Variants in ZFX observed in about 807,000 individuals in gnomAD.
ZFX encodes the protein zinc finger X-chromosomal protein.
For synonymous variants in ZFX, 196 were observed against 226.8 expected (o/e 0.86, Z 1.22); for missense variants, 362 against 628.3 (o/e 0.58, Z 4.53).
At chrX:24,166,982 C>G (rs1168720150) in intron 3 of ZFX, among the ~76,000 whole-genome samples, 1 of 111,948 alleles carries the variant, frequency 8.9e-6, no homozygotes, top group Non-Finnish European at 1.9e-5. Flanking sequence ...ATAGAACAAG[C>G]CATGAGTACA....
chrX:24,155,152 A>C (rs369023932), intron 3 of ZFX, among the ~76,000 whole-genome samples: 1 of 111,157 alleles, frequency 9.0e-6, no homozygotes, highest in African/African-American at 3.3e-5. Context: ...AAATCTCAAC[A>C]AAAGGGAAAA....
intron 8 of ZFX, among the ~76,000 whole-genome samples, chrX:24,208,625 T>C (rs1937796325): frequency 8.9e-6 from 1 of 112,288 alleles, no homozygotes; most frequent in Non-Finnish European, 1.9e-5. Context: ...GTTTTCATCT[T>C]GATTATGTTT....
intron 4 of ZFX, among the ~76,000 whole-genome samples, chrX:24,178,202 T>G (rs1046189697): frequency 9.0e-6 from 1 of 111,485 alleles, no homozygotes; most frequent in Non-Finnish European, 1.9e-5. Context: ...AGTGCTGGGA[T>G]TACAGGCGTG....
At chrX:24,177,037 A>G (rs962622391) in intron 4 of ZFX, among the ~76,000 whole-genome samples, 18 of 111,180 alleles carry the variant, frequency 1.6e-4, no homozygotes, top group African/African-American at 3.6e-4. Context: ...GGTTCAAGCA[A>G]TTCTCCTGCC....
intron 3 of ZFX, among the ~76,000 whole-genome samples, chrX:24,154,410 T>C (rs1011887683): frequency 8.9e-6 from 1 of 112,022 alleles, no homozygotes; most frequent in African/African-American, 3.2e-5. Context: ...ATAAACAGTA[T>C]CATAACCATA....
intron 1 of ZFX, chrX:24,150,372 G>C (rs1931912639): frequency 9.0e-6 from 1 of 111,302 alleles, no homozygotes; most frequent in Admixed American, 9.3e-5. Flanking sequence ...GGCCCCGGAG[G>C]CCCGGCGCGG....
intron 5 of ZFX, among the ~76,000 whole-genome samples, chrX:24,180,930 T>C (rs1935631958): frequency 8.9e-6 from 1 of 112,174 alleles, no homozygotes; most frequent in Non-Finnish European, 1.9e-5. Context: ...TCTTACAACA[T>C]ACTTCTTGGT....
At chrX:24,193,736 A>G (rs1318005686) in intron 5 of ZFX, among the ~76,000 whole-genome samples, 2 of 112,179 alleles carry the variant, frequency 1.8e-5, no homozygotes, top group African/African-American at 6.5e-5. Flanking sequence ...ATGTTTAAAA[A>G]AGGAGAGGTG....
At chrX:24,165,783 A>G in intron 3 of ZFX, among the ~76,000 whole-genome samples, 1 of 112,450 alleles carries the variant, frequency 8.9e-6, no homozygotes, top group Non-Finnish European at 1.9e-5. Flanking sequence ...CTAAGTCTGC[A>G]ACTAAAGGTA....
intron 5 of ZFX, among the ~76,000 whole-genome samples, chrX:24,188,763 A>C (rs1228602800): frequency 2.7e-5 from 3 of 112,256 alleles, no homozygotes; most frequent in African/African-American, 9.7e-5. Context: ...GAGCGAATTC[A>C]GAAACAAAAA....
chrX:24,158,261 A>G (rs1034619660), intron 3 of ZFX, among the ~76,000 whole-genome samples: 1 of 110,691 alleles, frequency 9.0e-6, no homozygotes, highest in African/African-American at 3.3e-5. Flanking sequence ...TGTAGTAGTA[A>G]TAACAGTTCA....
chrX:24,206,498 G>GGC (rs1937582562), intron 5 of ZFX, among the ~76,000 whole-genome samples: 1 of 86,137 alleles, frequency 1.2e-5, no homozygotes, highest in African/African-American at 4.4e-5. Context: ...CACCATGCCT[G>GGC]GCGTGTGTGT....
intron 7 of ZFX, 47 bp downstream of exon 7, chrX:24,207,902 C>G: frequency 8.5e-7 from 1 of 1,170,517 alleles, no homozygotes; most frequent in Middle Eastern, 2.4e-4. Flanking sequence ...GTTTCTGGAG[C>G]TTTTAAGTGG....
chrX:24,197,674 T>C lies in ZFX; in HGVS notation c.647-9652T>C, dbSNP rs189529927. 3.6e-5 allele frequency among the ~76,000 whole-genome samples: 4 copies of C among 112,240 alleles called. No individual in the cohort carries two copies. The East Asian group carries it at 1.1e-3, about 31-fold the overall frequency. ...CTGAGATAAAGATTAGGATCTTTCT[T>C]GTTCCAAGAAATTGTCAAAATGGTA... On this transcript the variant is annotated intron_variant, in intron 5 of 9. Transcript: ENST00000304543.
At chrX:24,173,784 G>A (rs1413419280) in intron 4 of ZFX, 9 of 422,092 alleles carry the variant, frequency 2.1e-5, no homozygotes, top group Non-Finnish European at 1.2e-5. Context: ...GGGTAGTGAC[G>A]GGGTTTTGCC....
At chrX:24,160,810 T>C (rs907873015) in intron 3 of ZFX, among the ~76,000 whole-genome samples, 1 of 111,825 alleles carries the variant, frequency 8.9e-6, no homozygotes, top group Non-Finnish European at 1.9e-5. Flanking sequence ...CTAGAACTTA[T>C]TCCCCCTATT....
chrX:24,161,551 G>A (rs1015287948), intron 3 of ZFX, among the ~76,000 whole-genome samples: 2 of 111,723 alleles, frequency 1.8e-5, no homozygotes, highest in Non-Finnish European at 3.8e-5. Context: ...AGTGGCACAG[G>A]ATAGAGTCCA....
At chrX:24,201,025 T>C (rs760362608) in intron 5 of ZFX, among the ~76,000 whole-genome samples, 15 of 112,461 alleles carry the variant, frequency 1.3e-4, no homozygotes, top group African/African-American at 3.2e-4. Flanking sequence ...AAGGCACTTA[T>C]GCAGGAATCA....
rs191472011 is a variant in ZFX, at chrX:24,178,141, A to G, written c.59-1042A>G. On this transcript the variant is annotated intron_variant, in intron 4 of 9. Transcript: ENST00000304543. The stretch of plus-strand genomic sequence containing the variant: ...GAGACAGGGTTTCACCGTGTTAGCC[A>G]GGATGGTCTCAATCTCCTGAGCTTG... 4.8e-3 allele frequency among the ~76,000 whole-genome samples: 525 copies of G among 110,298 alleles called. 3 individuals carry two copies. Among genetic ancestry groups the G allele is most frequent in the African/African-American group, 0.016 (498 of 30,378 alleles).
Sources: allele counts gnomAD v4.1 joint callset (sites outside exome capture counted in the v4.1 genomes callset), GRCh38; gene constraint gnomAD v4.1.1; transcripts MANE v1.5; gene names NCBI Gene and HGNC (gene_info 2026-07-23, HGNC 2026-07-21).